Variants in MKNK2 observed in about 807,000 individuals in gnomAD.
MKNK2 encodes the protein MAP kinase-interacting serine/threonine-protein kinase 2.
MKNK2 carries 54 observed loss-of-function variants against 55.0 expected under a neutral mutation model. The observed-to-expected ratio is 0.98, with a 90% CI of 0.79 to 1.23. MKNK2 has a LOEUF of 1.23. Ranked by LOEUF, MKNK2 falls within the 50% of genes most tolerant of loss-of-function variation. The pLI is 0.00. For missense variants in MKNK2, 685 were observed against 632.1 expected (o/e 1.08, Z -0.90); for synonymous variants, 323 against 256.0 (o/e 1.26, Z -2.50).
Position 2,039,211 on chromosome 19 carries a change from C to T in MKNK2, c.*402G>A, listed in dbSNP as rs189758206. On this transcript the variant is annotated 3_prime_UTR_variant, in exon 14 of 14. Transcript: ENST00000250896. ...GGTCCTGTGCCCCTCCCCAGCTCTGCAAGATGGCAAACGCTGTGGGCCTGC... is the reference window on the plus strand; with the variant it reads ...GGTCCTGTGCCCCTCCCCAGCTCTGTAAGATGGCAAACGCTGTGGGCCTGC... 1.9e-6 allele frequency: 2 copies of T among 1,041,956 alleles called. No homozygotes were observed. The highest frequency in any genetic ancestry group is 3.4e-5 in the African/African-American group (2 of 59,664). 64.5% of individuals were successfully genotyped at this position (1,041,956 alleles called of 1,614,324 possible).
At chr19:2,049,207 C>T (rs938765889) in intron 2 of MKNK2, among the ~76,000 whole-genome samples, 44 of 152,234 alleles carry the variant, frequency 2.9e-4, no homozygotes, top group Admixed American at 5.9e-4. Flanking sequence ...GAGCCCCAGG[C>T]ACACGCGCCT....
intron 2 of MKNK2, among the ~76,000 whole-genome samples, chr19:2,046,964 T>C (rs117523420): frequency 0.011 from 1,622 of 152,284 alleles, 14 homozygotes; most frequent in Non-Finnish European, 0.019. Context: ...TTTCTCTCTT[T>C]TTTAAATTTA....
In MKNK2 at chr19:2,038,904, C is replaced by A. The variant is rs1038484621; in HGVS notation, c.*709G>T. 21 of 985,442 alleles carry A rather than the reference C, an allele frequency of 2.1e-5. No individual in the cohort carries two copies. Among genetic ancestry groups the A allele is most frequent in the Non-Finnish European group, 2.5e-5 (21 of 829,674 alleles). 61.0% of individuals were successfully genotyped at this position (985,442 alleles called of 1,614,324 possible). A position where few individuals can be genotyped will look rare whatever the true frequency, so the allele number is the denominator to read the frequency against. ...GTCAGCTGCAGTTTAAGGTCAAGGTCGGAGGCCGAATCTGGCCACCAGGAG... is the reference window on the plus strand; with the variant it reads ...GTCAGCTGCAGTTTAAGGTCAAGGTAGGAGGCCGAATCTGGCCACCAGGAG... On this transcript the variant is annotated 3_prime_UTR_variant, in exon 14 of 14. Transcript: ENST00000250896.
In MKNK2 at chr19:2,046,473, T is replaced by A. The variant is rs747170209; in HGVS notation, c.140-5A>T. On this transcript the variant is annotated splice_region_variant and splice_polypyrimidine_tract_variant and intron_variant, in intron 3 of 13. Transcript: ENST00000250896. ...TGGGCTGGCTGGCGGGCATGTCTGT[T>A]CCAGGAGGCACGCCCAGGGGGCTCA... The A allele has an allele frequency of 8.7e-6, 14 of 1,606,830 alleles. No individual in the cohort carries two copies. The highest frequency in any genetic ancestry group is 1.0e-5 in the Non-Finnish European group (12 of 1,178,774).
At chr19:2,039,975 C>T in intron 13 of MKNK2, 119 bp from the exon 14 acceptor site, 1 of 1,405,894 alleles carries the variant, frequency 7.1e-7, no homozygotes, top group Non-Finnish European at 9.8e-7. Flanking sequence ...CACCCTGGGG[C>T]TCCTCTGAGC....
intron 11 of MKNK2, 26 bp downstream of exon 11, chr19:2,041,814 A>G (rs1599380295): frequency 3.4e-6 from 5 of 1,490,612 alleles, no homozygotes; most frequent in Non-Finnish European, 2.7e-6. Context: ...GGTGCCCAGG[A>G]GAGGAGGGTG....
Position 2,046,454 on chromosome 19 carries a change from G to A in MKNK2, c.154C>T (p.Gln52Ter). Reference protein sequence around the residue: ...CSARPDMPASQPIDIPDAKKR... With the variant: ...CSARPDMPAS ...TTGGCGTCCGGGATGTCAATGGGCTGGCTGGCGGGCATGTCTGTTCCAGGA... is the reference window on the plus strand; with the variant it reads ...TTGGCGTCCGGGATGTCAATGGGCTAGCTGGCGGGCATGTCTGTTCCAGGA... The change falls in exon 4 of 14, where the codon CAG becomes TAG. Residue 52 changes from glutamine to a stop codon, truncating the protein, a stop_gained. Transcript: ENST00000250896. LOFTEE classifies it high-confidence loss of function. 6.2e-7 allele frequency: 1 copy of A among 1,608,554 alleles called. No homozygotes were observed. The highest frequency in any genetic ancestry group is 1.3e-5 in the African/African-American group (1 of 75,006).
intron 2 of MKNK2, 132 bp from the exon 3 acceptor site, chr19:2,046,823 C>T (rs979786481): frequency 1.5e-5 from 10 of 662,564 alleles, no homozygotes; most frequent in Admixed American, 1.1e-4. Context: ...AAATCAACTC[C>T]GTCCCCGCTC....
intron 5 of MKNK2, among the ~76,000 whole-genome samples, chr19:2,045,698 T>A (rs1249697788): frequency 6.6e-6 from 1 of 152,050 alleles, no homozygotes; most frequent in Admixed American, 6.5e-5. Context: ...CCTGGAAGAT[T>A]TCTTGGAACA....
chr19:2,039,007 G>A lies in MKNK2; in HGVS notation c.*606C>T, dbSNP rs1014507697. 5 of 986,316 alleles carry A rather than the reference G, an allele frequency of 5.1e-6. No individual in the cohort carries two copies. Among genetic ancestry groups the A allele is most frequent in the Admixed American group, 6.1e-5 (1 of 16,342 alleles). 61.1% of individuals were successfully genotyped at this position (986,316 alleles called of 1,614,324 possible). A position where few individuals can be genotyped will look rare whatever the true frequency, so the allele number is the denominator to read the frequency against. Reference sequence around the variant, plus strand: ...GGGACAAGGCAGGCGCGGGTGAAGGGCTGGGGGATCCCATGGGGTGGGTGG... The same window carrying A: ...GGGACAAGGCAGGCGCGGGTGAAGGACTGGGGGATCCCATGGGGTGGGTGG... On this transcript the variant is annotated 3_prime_UTR_variant, in exon 14 of 14. Transcript: ENST00000250896.
intron 13 of MKNK2, 48 bp downstream of exon 13, chr19:2,040,086 A>G (rs200904999): frequency 2.9e-4 from 456 of 1,546,436 alleles, no homozygotes; most frequent in Middle Eastern, 6.7e-4. Context: ...TAACCTGGAA[A>G]CCCCGCCCCC....
Position 2,041,694 on chromosome 19 carries a change from G to A in MKNK2, c.945+146C>T. On this transcript the variant is annotated intron_variant, in intron 11 of 13. Transcript: ENST00000250896. ...GGGGGTCTGGGGAGCACACAGGGCA[G>A]GTCCCCGAGGGTTAGGGGGTGGTCA... 2.7e-5 allele frequency: 17 copies of A among 633,496 alleles called. 1 individual carries two copies. The highest frequency in any genetic ancestry group is 2.6e-4 in the South Asian group (13 of 49,802). 39.2% of individuals were successfully genotyped at this position (633,496 alleles called of 1,614,324 possible).
At chr19:2,046,563 C>G in intron 3 of MKNK2, 41 bp downstream of exon 3, 1 of 1,552,636 alleles carries the variant, frequency 6.4e-7, no homozygotes, top group Non-Finnish European at 8.7e-7. Context: ...ATGGCAGCGA[C>G]AGCAGCTGCC....
intron 5 of MKNK2, among the ~76,000 whole-genome samples, chr19:2,045,235 G>C (rs571687410): frequency 1.3e-5 from 2 of 152,272 alleles, no homozygotes; most frequent in African/African-American, 4.8e-5. Context: ...GGATCCCCCA[G>C]AGGCCACACA....
intron 12 of MKNK2, 122 bp downstream of exon 12, chr19:2,040,918 C>T (rs1225403684): frequency 1.0e-6 from 1 of 962,666 alleles, no homozygotes; most frequent in East Asian, 2.5e-5. Context: ...AGAGCCTGTG[C>T]TCTCAAGCCT....
Position 2,043,073 on chromosome 19 carries a change from C to T in MKNK2, c.493+51G>A, listed in dbSNP as rs201822709. 5.7e-4 allele frequency: 871 copies of T among 1,518,614 alleles called. 1 individual carries two copies. Among genetic ancestry groups the T allele is most frequent in the Non-Finnish European group, 7.2e-4 (792 of 1,095,772 alleles). The allele number at this position is 1,518,614 out of a possible 1,614,324, so 94.1% of individuals were successfully genotyped here. A position where few individuals can be genotyped will look rare whatever the true frequency, so the allele number is the denominator to read the frequency against. On this transcript the variant is annotated intron_variant, in intron 7 of 13. Transcript: ENST00000250896. ...TGCAGGTGGCACTAGGCCCCCATCC[C>T]GTAATACCTCCCAGCTCCCTCCCTC...
rs2016799368 is a variant in MKNK2, at chr19:2,038,372, C to T, written c.*1241G>A. On this transcript the variant is annotated 3_prime_UTR_variant, in exon 14 of 14. Transcript: ENST00000250896. ...TGCGCCGGGAAGGGCGGGCGGTGAC[C>T]CTAGCCGCGCGCACTTCTAAAGTGG... 9 of 986,400 alleles carry T rather than the reference C, an allele frequency of 9.1e-6. No homozygotes were observed. Among genetic ancestry groups the T allele is most frequent in the Non-Finnish European group, 1.1e-5 (9 of 830,396 alleles). 61.1% of individuals were successfully genotyped at this position (986,400 alleles called of 1,614,324 possible).
At position 2,041,974 on chromosome 19, in the gene MKNK2, T is replaced by C. The variant is rs1425400569; in HGVS notation, c.811A>G (p.Ile271Val). 2 of 1,561,584 alleles carry C rather than the reference T, an allele frequency of 1.3e-6. No homozygotes were observed. Among genetic ancestry groups the C allele is most frequent in the South Asian group, 1.2e-5 (1 of 85,242 alleles). The stretch of plus-strand genomic sequence containing the variant: ...CACAGGTCGCAGCGCTTGTCGTAGA[T>C]GCTAGCCTCCTCGCTGAAGGCCTCC... The part of the protein sequence containing the change: ...VVEAFSEEAS[I>V]YDKRCDLWSL... The change falls in exon 11 of 14, where the codon ATC becomes GTC. Residue 271 changes from isoleucine to valine, a missense_variant. Transcript: ENST00000250896.
chr19:2,044,582 C>T lies in MKNK2; in HGVS notation c.340-1000G>A, dbSNP rs141600677. On this transcript the variant is annotated intron_variant, in intron 5 of 13. Coordinates refer to ENST00000250896, the MANE Select transcript of MKNK2 (RefSeq NM_199054.3). ...TGAGCACTCTGCCCAGGGTTCCCTG[C>T]CCAGTGCGATGGCCTGGTGGCAGCA... Among the ~76,000 whole-genome samples, 992 of 152,366 alleles carry T rather than the reference C, an allele frequency of 6.5e-3. 8 individuals are homozygous for T. The highest frequency in any genetic ancestry group is 9.2e-3 in the Non-Finnish European group (629 of 68,032).
Sources: gnomAD v4.1 joint callset for allele counts (sites outside exome capture counted in the v4.1 genomes callset) on GRCh38, gnomAD v4.1.1 for gene constraint, MANE v1.5 for transcripts, NCBI Gene and HGNC (gene_info 2026-07-23, HGNC 2026-07-21) for gene names.